The following ATP10B variants were observed in gnomAD, a reference collection of about 807,000 sequenced individuals.
ATP10B encodes the protein ATPase phospholipid transporting 10B (putative).
A neutral mutation model predicts 141.2 loss-of-function variants in ATP10B; 122 were observed. The ratio of observed to expected loss-of-function variants is 0.86; its 90% CI spans 0.75 to 1.00. ATP10B has a LOEUF of 1.00. ATP10B is among the 50% of genes least tolerant of loss of function. The pLI, the probability that ATP10B is intolerant of heterozygous loss-of-function variation, is 0.00. For missense variants in ATP10B, 1,876 were observed against 1,825.3 expected, an observed-to-expected ratio of 1.03 and a Z score of -0.51; for synonymous variants, 685 against 692.0, an observed-to-expected ratio of 0.99 and a Z score of 0.16.
intron 13 of ATP10B, among the ~76,000 whole-genome samples, chr5:160,628,460 C>T (rs1035038203): frequency 6.6e-6 from 1 of 152,230 alleles, no homozygotes; most frequent in Non-Finnish European, 1.5e-5. Flanking sequence ...GGCTGTCCCA[C>T]CGATTTGGAG....
upstream of ATP10B, among the ~76,000 whole-genome samples, chr5:160,856,796 T>G (rs1754011023): frequency 1.3e-5 from 2 of 151,846 alleles, no homozygotes; most frequent in Admixed American, 1.3e-4. Flanking sequence ...TAATTCCATT[T>G]GAATTTAATT....
intron 7 of ATP10B, among the ~76,000 whole-genome samples, chr5:160,670,186 A>C (rs532096142): frequency 6.6e-6 from 1 of 152,250 alleles, no homozygotes; most frequent in Admixed American, 6.5e-5. Flanking sequence ...CAGAGAGTAT[A>C]GTTTCCTCAG....
the ATP10B span, among the ~76,000 whole-genome samples, chr5:160,871,389 G>T: frequency 6.6e-6 from 1 of 152,088 alleles, no homozygotes; most frequent in South Asian, 2.1e-4. Context: ...TTTTCCATAG[G>T]TTATTGCCGT....
the ATP10B span, among the ~76,000 whole-genome samples, chr5:160,877,953 C>T: frequency 6.6e-6 from 1 of 151,532 alleles, no homozygotes; most frequent in African/African-American, 2.4e-5. Context: ...AATGGCCATA[C>T]TGCCCAAGGT....
At chr5:160,613,800 A>G (rs1458707083) in intron 17 of ATP10B, 1 of 152,214 alleles carries the variant, frequency 6.6e-6, no homozygotes, top group Non-Finnish European at 1.5e-5. Flanking sequence ...AGATATCCAA[A>G]TATTGAATAG....
At chr5:160,676,948 G>T (rs1165167440) in intron 6 of ATP10B, among the ~76,000 whole-genome samples, 2 of 152,182 alleles carry the variant, frequency 1.3e-5, no homozygotes, top group Non-Finnish European at 2.9e-5. Context: ...ATGGTGGTGG[G>T]AGTGACATGG....
In ATP10B at chr5:160,602,561, G is replaced by A. The variant is rs766924723; in HGVS notation, c.3363+16C>T. 16 of 1,613,214 alleles carry A rather than the reference G, an allele frequency of 9.9e-6. No homozygotes were observed. The highest frequency in any genetic ancestry group is 1.7e-4 in the Middle Eastern group (1 of 6,028). ...CTGCCAAAGCCCTGGGTGAGAGGAC[G>A]CCATAGGCTACTTACCACGTTCTTG... On this transcript the variant is annotated intron_variant, in intron 21 of 25. Coordinates refer to ENST00000327245, the MANE Select transcript of ATP10B (RefSeq NM_025153.3).
At position 160,842,080 on chromosome 5, in the gene ATP10B, A is replaced by G. The variant is rs1775843142; in HGVS notation, c.-576+9861T>C. 3.9e-5 allele frequency among the ~76,000 whole-genome samples: 6 copies of G among 152,326 alleles called. No individual in the cohort carries two copies. In the South Asian group the frequency reaches 1.2e-3, roughly 32 times the overall value. ...TATTAAAATAGGCCACAGGCTAGCC[A>G]TAAAGCAAGTCTCAAAAAAATTTCA... On this transcript the variant is annotated intron_variant, in intron 1 of 25. Transcript: ENST00000327245.
the ATP10B span, among the ~76,000 whole-genome samples, chr5:160,900,321 C>T: frequency 0.46 from 69,786 of 151,616 alleles, 17,105 homozygotes; most frequent in Non-Finnish European, 0.54. Context: ...ATTTATTAAA[C>T]ACTGTGGGGC....
chr5:160,748,138 C>T (rs1028399472), intron 2 of ATP10B, among the ~76,000 whole-genome samples: 4 of 151,996 alleles, frequency 2.6e-5, no homozygotes, highest in Non-Finnish European at 5.9e-5. Flanking sequence ...CTGAAACATG[C>T]GGTGTAGATT....
upstream of ATP10B, among the ~76,000 whole-genome samples, chr5:160,854,923 T>C (rs1022571394): frequency 6.6e-6 from 1 of 152,152 alleles, no homozygotes; most frequent in Non-Finnish European, 1.5e-5. Flanking sequence ...GGAAAAGGAA[T>C]AAAATAACTG....
intron 2 of ATP10B, among the ~76,000 whole-genome samples, chr5:160,726,425 C>T (rs1379497436): frequency 6.6e-6 from 1 of 152,118 alleles, no homozygotes; most frequent in East Asian, 1.9e-4. Flanking sequence ...GGAGCTAAGT[C>T]ATTACAAAGT....
chr5:160,671,722 T>G (rs753045642), intron 6 of ATP10B, among the ~76,000 whole-genome samples: 1 of 152,248 alleles, frequency 6.6e-6, no homozygotes, highest in African/African-American at 2.4e-5. Flanking sequence ...CTTGTGTTCA[T>G]TAACATTTCA....
At position 160,611,097 on chromosome 5, in the gene ATP10B, A is replaced by G. The variant is rs936811087; in HGVS notation, c.2838+1644T>C. On this transcript the variant is annotated intron_variant, in intron 18 of 25. Coordinates refer to ENST00000327245, the MANE Select transcript of ATP10B (RefSeq NM_025153.3). Reference sequence around the variant, plus strand: ...TAACATATTATTTTTCATCCCAGGTAAAGAGATGAAAAGACTAATCTTACA... The same window carrying G: ...TAACATATTATTTTTCATCCCAGGTGAAGAGATGAAAAGACTAATCTTACA... Among the ~76,000 whole-genome samples, 5 of 152,216 alleles carry G rather than the reference A, an allele frequency of 3.3e-5. No individual in the cohort carries two copies. The East Asian group carries it at 9.6e-4, about 29-fold the overall frequency.
At chr5:160,718,477 T>C (rs1349689540) in intron 2 of ATP10B, among the ~76,000 whole-genome samples, 2 of 152,202 alleles carry the variant, frequency 1.3e-5, no homozygotes, top group African/African-American at 4.8e-5. Flanking sequence ...TATCAGAGAC[T>C]GGGTAATTTA....
intron 14 of ATP10B, among the ~76,000 whole-genome samples, chr5:160,621,201 T>C (rs927525163): frequency 2.6e-5 from 4 of 152,334 alleles, no homozygotes; most frequent in African/African-American, 9.6e-5. Context: ...TCCTGAACTC[T>C]CACTATAAAT....
At chr5:160,812,479 G>T (rs562763278) in intron 1 of ATP10B, among the ~76,000 whole-genome samples, 92 of 152,262 alleles carry the variant, frequency 6.0e-4, no homozygotes, top group Non-Finnish European at 1.2e-3. Flanking sequence ...TACCTGTTTT[G>T]AGGAAACTCC....
At chr5:160,654,782 G>T (rs1761368038) in intron 7 of ATP10B, among the ~76,000 whole-genome samples, 1 of 152,086 alleles carries the variant, frequency 6.6e-6, no homozygotes, top group African/African-American at 2.4e-5. Flanking sequence ...TGCTTGTTGT[G>T]TACTAAGAAT....
chr5:160,911,941 G>A, the ATP10B span, among the ~76,000 whole-genome samples: 1 of 152,164 alleles, frequency 6.6e-6, no homozygotes, highest in Non-Finnish European at 1.5e-5. Context: ...TTTTGGTTAA[G>A]GTCATGATTA....
Sources: allele counts gnomAD v4.1 joint callset (sites outside exome capture counted in the v4.1 genomes callset), GRCh38; gene constraint gnomAD v4.1.1; transcripts MANE v1.5; gene names NCBI Gene and HGNC (gene_info 2026-07-23, HGNC 2026-07-21).